The following CHFR variants were observed in gnomAD, a reference collection of about 807,000 sequenced individuals.
The protein encoded by CHFR is checkpoint with forkhead and ring finger domains.
CHFR carries 57 observed loss-of-function variants against 87.6 expected under a neutral mutation model. The ratio of observed to expected loss-of-function variants is 0.65; its 90% CI spans 0.53 to 0.81. The LOEUF is 0.81. Ranked by LOEUF, CHFR falls within the 30% of genes least tolerant of loss-of-function variation. The pLI, the probability that CHFR is intolerant of heterozygous loss-of-function variation, is 0.00. For missense variants in CHFR, 797 were observed against 865.8 expected (o/e 0.92, Z 1.00); for synonymous variants, 381 against 359.2 (o/e 1.06, Z -0.69).
At position 132,877,630 on chromosome 12, in the gene CHFR, T is replaced by C; in HGVS notation, c.158A>G (p.Asn53Ser). The C allele has an allele frequency of 2.5e-6, 4 of 1,613,340 alleles. No individual in the cohort carries two copies. The highest frequency in any genetic ancestry group is 3.4e-6 in the Non-Finnish European group (4 of 1,179,654). The part of the protein sequence containing the change: ...RRGCDLSFPS[N>S]KLVSGDHCRI... ...ACAGTGATCTCCAGAGACCAGTTTATTGCTGGGGAAGGAAAGGTCGCAACC... is the reference window on the plus strand; with the variant it reads ...ACAGTGATCTCCAGAGACCAGTTTACTGCTGGGGAAGGAAAGGTCGCAACC... The change falls in exon 3 of 18, where the codon AAT becomes AGT. Residue 53 changes from asparagine (N) to serine (S), a missense_variant. By Grantham distance (46) the Asn-to-Ser change is conservative. Coordinates refer to ENST00000450056, the MANE Select transcript of CHFR (RefSeq NM_001161346.2).
chr12:132,863,701 G>A (rs78929140), intron 6 of CHFR, among the ~76,000 whole-genome samples: 3,093 of 152,268 alleles, frequency 0.02, 59 homozygotes, highest in Middle Eastern at 0.044. Flanking sequence ...CCACGAGCAA[G>A]AAGCCAGAGT....
intron 16 of CHFR, among the ~76,000 whole-genome samples, chr12:132,843,513 A>C (rs1048799616): frequency 6.6e-6 from 1 of 152,216 alleles, no homozygotes; most frequent in Non-Finnish European, 1.5e-5. Flanking sequence ...TGTCTTTACA[A>C]ATCTGTTTTA....
chr12:132,861,313 A>T (rs1275519103), intron 7 of CHFR, among the ~76,000 whole-genome samples, 154 bp downstream of exon 7: 1 of 152,230 alleles, frequency 6.6e-6, no homozygotes, highest in African/African-American at 2.4e-5. Context: ...GGTTTTCTGA[A>T]TGAAAATGCC....
rs766376169 is a variant in CHFR at position 132,851,649 on chromosome 12, G to A, written c.1461C>T (p.Arg487=). ...GAGGGGCGACACGCGGGTCCTGCTCGCGCTCCGCTCTCCGGTCGGGCATGG... is the reference window on the plus strand; with the variant it reads ...GAGGGGCGACACGCGGGTCCTGCTCACGCTCCGCTCTCCGGTCGGGCATGG... The part of the protein sequence containing the change: ...FQPMPDRRAE[R]EQDPRVAPQQ... The change falls in exon 12 of 18, where the codon CGC becomes CGT. Residue 487 remains arginine, a synonymous_variant. Transcript: ENST00000450056. The A allele has an allele frequency of 7.4e-6, 12 of 1,612,734 alleles. No homozygotes were observed. The highest frequency in any genetic ancestry group is 5.5e-5 in the South Asian group (5 of 91,072).
intron 6 of CHFR, among the ~76,000 whole-genome samples, chr12:132,869,313 G>A (rs1951432170): frequency 6.6e-6 from 1 of 152,070 alleles, no homozygotes; most frequent in South Asian, 2.1e-4. Context: ...GAGTGGTGAT[G>A]GTCCCACACC....
At chr12:132,880,108 A>C (rs1951732555) in intron 2 of CHFR, among the ~76,000 whole-genome samples, 2 of 152,234 alleles carry the variant, frequency 1.3e-5, no homozygotes, top group Non-Finnish European at 2.9e-5. Flanking sequence ...AAACCAAAGC[A>C]ATTTTGAAAA....
chr12:132,858,869 G>C (rs1951147385), intron 8 of CHFR, among the ~76,000 whole-genome samples, 199 bp downstream of exon 8: 1 of 148,480 alleles, frequency 6.7e-6, no homozygotes, highest in Non-Finnish European at 1.5e-5. Context: ...GCTCAATCCT[G>C]GGAGGGAGAG....
chr12:132,870,910 T>G lies in CHFR; in HGVS notation c.344-127A>C, dbSNP rs935308008. ...TTTGACTCATCAGCTAATAACAAAT[T>G]CATCAGTTTAAGAGATTTCAAAACA... On this transcript the variant is annotated intron_variant, in intron 4 of 17. Coordinates refer to ENST00000450056, the MANE Select transcript of CHFR (RefSeq NM_001161346.2). 1.0e-5 allele frequency: 6 copies of G among 572,840 alleles called. No individual in the cohort carries two copies. The African/African-American group carries it at 1.1e-4, about 11-fold the overall frequency. 35.5% of individuals were successfully genotyped at this position (572,840 alleles called of 1,614,324 possible). A position where few individuals can be genotyped will look rare whatever the true frequency, so the allele number is the denominator to read the frequency against.
rs1034908683 is a variant in CHFR, at chr12:132,836,865, G to A, written c.*4689C>T. Reference sequence around the variant, plus strand: ...CAGTGATCAGTAGATGCTGCCCTGGGGCCAAACATTTCAGACAAATAAACA... The same window carrying A: ...CAGTGATCAGTAGATGCTGCCCTGGAGCCAAACATTTCAGACAAATAAACA... On this transcript the variant is annotated 3_prime_UTR_variant, in exon 18 of 18. Coordinates refer to ENST00000450056, the MANE Select transcript of CHFR (RefSeq NM_001161346.2). 9.6e-6 allele frequency: 4 copies of A among 416,258 alleles called. No individual in the cohort carries two copies. Among genetic ancestry groups the A allele is most frequent in the Admixed American group, 2.8e-5 (1 of 35,724 alleles). The allele number at this position is 416,258 out of a possible 1,614,324, so 25.8% of individuals were successfully genotyped here.
chr12:132,845,271 T>C (rs372703275), intron 15 of CHFR, among the ~76,000 whole-genome samples: 54 of 151,606 alleles, frequency 3.6e-4, no homozygotes, highest in African/African-American at 1.3e-3. Context: ...CTAACCAAGA[T>C]GGTGAAACCT....
intron 8 of CHFR, 24 bp from the exon 9 acceptor site, chr12:132,857,583 T>TCCAG (rs1951111442): frequency 6.2e-7 from 1 of 1,609,432 alleles, no homozygotes; most frequent in Non-Finnish European, 8.5e-7. Flanking sequence ...AGGAACAGTG[T>TCCAG]CCAGACAGTC....
At chr12:132,845,383 G>A (rs1161333286) in intron 15 of CHFR, among the ~76,000 whole-genome samples, 4 of 152,028 alleles carry the variant, frequency 2.6e-5, no homozygotes, top group African/African-American at 9.7e-5. Flanking sequence ...TGTTGAACCT[G>A]GGAGGCGGAG....
intron 3 of CHFR, among the ~76,000 whole-genome samples, chr12:132,876,983 C>T (rs1478809450): frequency 6.6e-6 from 1 of 152,028 alleles, no homozygotes; most frequent in Non-Finnish European, 1.5e-5. Flanking sequence ...TTAAGAGAGA[C>T]AGGGTTTCTC....
chr12:132,847,768 ACCTT>A lies in CHFR; in HGVS notation c.1647+313_1647+316del, dbSNP rs1950859397. On this transcript the variant is annotated intron_variant, in intron 14 of 17. Transcript: ENST00000450056. ...GGCCCTGGTCTTGCTAAAGGGCGGCACCTTCAAGAAGCCCTCACCGAGAGCTGTG... is the reference window on the plus strand; with the variant it reads ...GGCCCTGGTCTTGCTAAAGGGCGGCACAAGAAGCCCTCACCGAGAGCTGTG... 53 of 1,247,696 alleles carry A rather than the reference ACCTT, an allele frequency of 4.2e-5. No homozygotes were observed. In the South Asian group the frequency reaches 8.7e-4, roughly 21 times the overall value. 77.3% of individuals were successfully genotyped at this position (1,247,696 alleles called of 1,614,324 possible).
In CHFR at chr12:132,848,149, T is replaced by C; in HGVS notation, c.1583A>G (p.Asn528Ser). 1.2e-6 allele frequency: 2 copies of C among 1,614,156 alleles called. No individual in the cohort carries two copies. Among genetic ancestry groups the C allele is most frequent in the South Asian group, 1.1e-5 (1 of 91,076 alleles). ...YGCLAPFCEL[N>S]LGDKCLDGVL... ...GCCGTCCAGACACTTGTCACCCAGG[T>C]TGAGCTCTGCCGAGATGAAGGGGCA... Residue 528 changes from asparagine to serine, a missense_variant, in exon 14 of 18, where the codon AAC becomes AGC. Around this residue, in one of 2 missense-constraint regions of CHFR, gnomAD observed 200 missense variants for 264.6 expected, o/e 0.76. Coordinates refer to ENST00000450056, the MANE Select transcript of CHFR (RefSeq NM_001161346.2).
chr12:132,881,867 CAAAAAAA>C (rs57027326), intron 2 of CHFR, among the ~76,000 whole-genome samples: 1 of 98,166 alleles, frequency 1.0e-5, no homozygotes. Flanking sequence ...GACGCTGTCT[CAAAAAAA>C]AAAAAAAAAA....
At chr12:132,854,900 T>G (rs969356468) in intron 10 of CHFR, 1 of 151,202 alleles carries the variant, frequency 6.6e-6, no homozygotes, top group South Asian at 2.1e-4. Flanking sequence ...AGGTCAGGAG[T>G]TCAAGACCAG....
chr12:132,887,200 T>C lies in CHFR; in HGVS notation c.129A>G (p.Arg43=). The C allele has an allele frequency of 1.3e-6, 2 of 1,493,442 alleles. No individual in the cohort carries two copies. The highest frequency in any genetic ancestry group is 1.8e-6 in the Non-Finnish European group (2 of 1,128,616). The allele number at this position is 1,493,442 out of a possible 1,614,324, so 92.5% of individuals were successfully genotyped here. ...LRKREWTIGR[R]RGCDLSFPSN... Reference sequence around the variant, plus strand: ...GCCCCGGCCTCAGCCCCGCACCTCGTCTCCGCCCGATGGTCCACTCCCGCT... The same window carrying C: ...GCCCCGGCCTCAGCCCCGCACCTCGCCTCCGCCCGATGGTCCACTCCCGCT... The change falls in exon 2 of 18, where the codon AGA becomes AGG. Residue 43 remains arginine (R), a synonymous_variant. Coordinates refer to ENST00000450056, the MANE Select transcript of CHFR (RefSeq NM_001161346.2).
In CHFR at chr12:132,834,186, CTCTT is replaced by C. The variant is rs1950631941; in HGVS notation, c.*7364_*7367del. ...CCTGGGGTCCCCACTGGAAACAGCTCTCTTTGACAACATGAATCTGGGATGTTTG... is the reference window on the plus strand; with the variant it reads ...CCTGGGGTCCCCACTGGAAACAGCTCTGACAACATGAATCTGGGATGTTTG... On this transcript the variant is annotated 3_prime_UTR_variant, in exon 18 of 18. Transcript: ENST00000450056. The C allele has an allele frequency of 6.6e-6, 1 of 152,310 alleles. No individual in the cohort carries two copies. Among genetic ancestry groups the C allele is most frequent in the South Asian group, 2.1e-4 (1 of 4,832 alleles). 9.4% of individuals were successfully genotyped at this position (152,310 alleles called of 1,614,324 possible).
Sources: allele counts gnomAD v4.1 joint callset (sites outside exome capture counted in the v4.1 genomes callset), GRCh38; gene constraint gnomAD v4.1.1; regional missense constraint gnomAD v4.1.1; transcripts MANE v1.5; gene names NCBI Gene and HGNC (gene_info 2026-07-23, HGNC 2026-07-21).